The following KLHL4 variants were observed in gnomAD, a reference collection of about 807,000 sequenced individuals.
The protein encoded by KLHL4 is kelch like family member 4.
Under a neutral mutation model 45.8 loss-of-function variants are expected in KLHL4, and 17 were observed. That is an observed-to-expected ratio of 0.37 (90% CI 0.25 to 0.56). The LOEUF (loss-of-function observed/expected upper bound fraction) is 0.56. Ranked by LOEUF, KLHL4 falls within the 20% of genes least tolerant of loss-of-function variation. The probability of loss-of-function intolerance (pLI) is 0.79; values close to 1 mark genes in which losing one functional copy is unlikely to be tolerated. For synonymous variants in KLHL4, 224 were observed against 189.9 expected (o/e 1.18, Z -1.47); for missense variants, 544 against 544.9 (o/e 1.00, Z 0.02).
chrX:87,547,592 G>A (rs1487834945), intron 1 of KLHL4, among the ~76,000 whole-genome samples: 1 of 111,201 alleles, frequency 9.0e-6, no homozygotes, highest in East Asian at 2.8e-4. Flanking sequence ...GGAGGCTGAG[G>A]CGGGTGGATC....
chrX:87,573,976 T>C (rs1321852073), intron 1 of KLHL4, among the ~76,000 whole-genome samples: 1 of 111,577 alleles, frequency 9.0e-6, no homozygotes, highest in Admixed American at 9.5e-5. Context: ...AATGTAACAA[T>C]ATCATTTAAA....
chrX:87,532,906 C>G (rs1051147728), intron 1 of KLHL4, among the ~76,000 whole-genome samples: 8 of 110,194 alleles, frequency 7.3e-5, no homozygotes, highest in Non-Finnish European at 1.3e-4. Flanking sequence ...CATGAACAGA[C>G]ACTTCTCAAA....
At chrX:87,568,391 C>CTTTTTTTTTTTTTTTTTTTTTTTT (rs58586775) in intron 1 of KLHL4, among the ~76,000 whole-genome samples, 14 of 57,497 alleles carry the variant, frequency 2.4e-4, no homozygotes, top group South Asian at 1.0e-3. Context: ...TTCTTTTTTT[C>CTTTTTTTTTTTTTTTTTTTTTTTT]TTTTTTTTTT....
At position 87,669,230 on chromosome X, in the gene KLHL4, A is replaced by G; in HGVS notation, c.*2696A>G. The G allele has an allele frequency of 8.9e-7, 1 of 1,123,207 alleles. No individual in the cohort carries two copies. The highest frequency in any genetic ancestry group is 1.2e-6 in the Non-Finnish European group (1 of 849,129). The allele number at this position is 1,123,207 out of a possible 1,213,427, so 92.6% of individuals were successfully genotyped here. A position where few individuals can be genotyped will look rare whatever the true frequency, so the allele number is the denominator to read the frequency against. ...ATGTTGCTTCTTGATTTTTTTCTAT[A>G]ATCACTATGACCGTGTTCACGATTC... On this transcript the variant is annotated 3_prime_UTR_variant, in exon 11 of 11. Transcript: ENST00000373119.
chrX:87,635,785 T>C lies in KLHL4; in HGVS notation c.1925+10T>C, dbSNP rs757372668. On this transcript the variant is annotated intron_variant, in intron 9 of 10. Transcript: ENST00000373119. Reference sequence around the variant, plus strand: ...CTGACTGTGTGGAACGGTAAGTTTTTTCTATTTCCTTCTGTATGTAATTAT... The same window carrying C: ...CTGACTGTGTGGAACGGTAAGTTTTCTCTATTTCCTTCTGTATGTAATTAT... 3 of 1,093,614 alleles carry C rather than the reference T, an allele frequency of 2.7e-6. No homozygotes were observed. In the East Asian group the frequency reaches 9.2e-5, roughly 34 times the overall value. 90.1% of individuals were successfully genotyped at this position (1,093,614 alleles called of 1,213,427 possible).
At chrX:87,664,738 C>T in intron 9 of KLHL4, 26 bp from the exon 10 acceptor site, 4 of 1,118,537 alleles carry the variant, frequency 3.6e-6, no homozygotes, top group Non-Finnish European at 4.8e-6. Flanking sequence ...ACTTTTCCTC[C>T]CAATTATCTT....
At chrX:87,575,525 G>A (rs1203512335) in intron 1 of KLHL4, among the ~76,000 whole-genome samples, 1 of 111,991 alleles carries the variant, frequency 8.9e-6, no homozygotes, top group African/African-American at 3.2e-5. Context: ...CTTTCTGCTA[G>A]TCATATTACA....
chrX:87,558,964 A>G (rs1932038444), intron 1 of KLHL4, among the ~76,000 whole-genome samples: 2 of 112,107 alleles, frequency 1.8e-5, no homozygotes, highest in East Asian at 5.6e-4. Context: ...TTATAGAAGC[A>G]CACTGTGAAG....
At chrX:87,566,644 T>C (rs1337156440) in intron 1 of KLHL4, among the ~76,000 whole-genome samples, 1 of 111,556 alleles carries the variant, frequency 9.0e-6, no homozygotes, top group African/African-American at 3.3e-5. Context: ...TGTTGTACCA[T>C]CATAAAGTTG....
chrX:87,662,283 TA>T (rs1924213960), intron 9 of KLHL4, among the ~76,000 whole-genome samples: 1 of 111,278 alleles, frequency 9.0e-6, no homozygotes, highest in Non-Finnish European at 1.9e-5. Flanking sequence ...ATATATCAAT[TA>T]AAAAATTAAA....
chrX:87,538,974 TTCA>T (rs754710043), intron 1 of KLHL4, among the ~76,000 whole-genome samples: 7 of 111,691 alleles, frequency 6.3e-5, no homozygotes, highest in Non-Finnish European at 1.1e-4. Flanking sequence ...TATAAAACTT[TTCA>T]TCATTTTTAA....
intron 1 of KLHL4, among the ~76,000 whole-genome samples, chrX:87,527,400 A>C (rs1430445056): frequency 9.0e-6 from 1 of 111,507 alleles, no homozygotes; most frequent in Non-Finnish European, 1.9e-5. Flanking sequence ...TCACATTCAC[A>C]TGGGTGCCTG....
rs1326433939 is a variant in KLHL4, at chrX:87,554,472, T to C, written c.422+36157T>C. On this transcript the variant is annotated intron_variant, in intron 1 of 10. Transcript: ENST00000373119. ...TGGATTCCTAGGTATTTTATTCTCTTTGAAGCAATTGTGAATGGGAGTTCA... is the reference window on the plus strand; with the variant it reads ...TGGATTCCTAGGTATTTTATTCTCTCTGAAGCAATTGTGAATGGGAGTTCA... Among the ~76,000 whole-genome samples, 5 of 92,002 alleles carry C rather than the reference T, an allele frequency of 5.4e-5. 1 individual carries two copies. Among genetic ancestry groups the C allele is most frequent in the African/African-American group, 2.0e-4 (5 of 24,458 alleles). The allele number at this position is 92,002 out of a possible 115,157, so 79.9% of individuals were successfully genotyped here.
At chrX:87,567,287 A>G (rs1932233672) in intron 1 of KLHL4, among the ~76,000 whole-genome samples, 1 of 111,376 alleles carries the variant, frequency 9.0e-6, no homozygotes, top group Non-Finnish European at 1.9e-5. Context: ...AAAACAAAAC[A>G]TAAACAAATA....
intron 1 of KLHL4, among the ~76,000 whole-genome samples, chrX:87,559,197 T>C (rs1418125101): frequency 8.9e-6 from 1 of 112,158 alleles, no homozygotes. Context: ...TAATTGTTTA[T>C]TTACCTCTTT....
chrX:87,601,881 C>G (rs779717776), intron 1 of KLHL4, among the ~76,000 whole-genome samples: 42 of 111,281 alleles, frequency 3.8e-4, no homozygotes, highest in Non-Finnish European at 7.5e-4. Flanking sequence ...ACATTTTAGT[C>G]AACTACATAC....
chrX:87,606,906 C>T (rs1225609492), intron 1 of KLHL4, among the ~76,000 whole-genome samples: 3 of 111,024 alleles, frequency 2.7e-5, no homozygotes, highest in Non-Finnish European at 5.7e-5. Flanking sequence ...ACATATAAAG[C>T]AAAAAATAAA....
chrX:87,540,429 A>G (rs1357833968), intron 1 of KLHL4, among the ~76,000 whole-genome samples: 4 of 112,031 alleles, frequency 3.6e-5, no homozygotes, highest in Non-Finnish European at 7.5e-5. Context: ...GCTGTAAGAA[A>G]TGTTGTTATA....
At chrX:87,649,951 A>G (rs1923754965) in intron 9 of KLHL4, among the ~76,000 whole-genome samples, 1 of 110,915 alleles carries the variant, frequency 9.0e-6, no homozygotes, top group African/African-American at 3.3e-5. Flanking sequence ...GAAGCAGTAA[A>G]CCTCCAACTT....
Sources: gnomAD v4.1 joint callset for allele counts (sites outside exome capture counted in the v4.1 genomes callset) on GRCh38, gnomAD v4.1.1 for gene constraint, MANE v1.5 for transcripts, NCBI Gene and HGNC (gene_info 2026-07-23, HGNC 2026-07-21) for gene names.